RTTN: variants seen among roughly 807,000 people sequenced by gnomAD.
RTTN encodes the protein rotatin.
RTTN carries 182 observed loss-of-function variants against 269.2 expected under a neutral mutation model. The ratio of observed to expected loss-of-function variants is 0.68; its 90% CI spans 0.60 to 0.76. The LOEUF (loss-of-function observed/expected upper bound fraction) is 0.76. RTTN is among the 30% of genes least tolerant of loss of function. The pLI, the probability that RTTN is intolerant of heterozygous loss-of-function variation, is 0.00. For missense variants in RTTN, 2,545 were observed against 2,608.6 expected (o/e 0.98, Z 0.53); for synonymous variants, 1,006 against 963.5 (o/e 1.04, Z -0.82).
chr18:70,060,091 T>A, intron 35 of RTTN, 49 bp from the exon 36 acceptor site: 1 of 1,394,590 alleles, frequency 7.2e-7, no homozygotes, highest in Non-Finnish European at 9.6e-7. Context: ...TACAGCTATG[T>A]ACAATACTCA....
intron 41 of RTTN, 146 bp downstream of exon 41, chr18:70,030,730 T>A: frequency 1.9e-6 from 1 of 539,736 alleles, no homozygotes; most frequent in Non-Finnish European, 3.2e-6. Flanking sequence ...ACTGCTTCTG[T>A]ATGGGAAAAA....
At chr18:70,147,715 T>C (rs765396034) in intron 17 of RTTN, among the ~76,000 whole-genome samples, 6 of 152,166 alleles carry the variant, frequency 3.9e-5, no homozygotes, top group Non-Finnish European at 7.4e-5. Flanking sequence ...TAGAGACTTA[T>C]CTTACCCAAA....
chr18:70,106,029 C>T (rs1467222363), intron 28 of RTTN, among the ~76,000 whole-genome samples: 1 of 152,152 alleles, frequency 6.6e-6, no homozygotes, highest in Non-Finnish European at 1.5e-5. Context: ...CTTATAAGCT[C>T]ATAGTCTACT....
chr18:70,012,658 G>C (rs2056423614), intron 46 of RTTN, among the ~76,000 whole-genome samples: 1 of 151,824 alleles, frequency 6.6e-6, no homozygotes, highest in Admixed American at 6.6e-5. Flanking sequence ...TCTGCTCACT[G>C]GTACTGGTTA....
chr18:70,046,324 G>A (rs1382863760), intron 40 of RTTN, among the ~76,000 whole-genome samples: 2 of 152,132 alleles, frequency 1.3e-5, no homozygotes, highest in African/African-American at 4.8e-5. Flanking sequence ...GGAGGGCAGG[G>A]CCCAGCACAC....
Position 70,114,585 on chromosome 18 carries a change from C to G in RTTN, c.3543G>C (p.Leu1181=), listed in dbSNP as rs771580859. The G allele has an allele frequency of 1.2e-5, 19 of 1,612,660 alleles. No homozygotes were observed. In the South Asian group the frequency reaches 1.4e-4, roughly 12 times the overall value. ...ELLLRHSANP[L]LDLLVLTESQ... ...ACTCTGTCAGAACCAAGAGGTCTAACAGTGGGTTTGCACTCTAAAAAATGA... is the reference window on the plus strand; with the variant it reads ...ACTCTGTCAGAACCAAGAGGTCTAAGAGTGGGTTTGCACTCTAAAAAATGA... Residue 1181 remains leucine (L), a synonymous_variant, in exon 27 of 49, where the codon CTG becomes CTC. Coordinates refer to ENST00000640769, the MANE Select transcript of RTTN (RefSeq NM_173630.4).
At chr18:70,127,795 C>A in intron 24 of RTTN, 54 bp from the exon 25 acceptor site, 1 of 1,474,784 alleles carries the variant, frequency 6.8e-7, no homozygotes, top group South Asian at 1.2e-5. Flanking sequence ...TAAATAAAAG[C>A]TCACACTTAT....
At chr18:70,155,248 G>A (rs188740043) in intron 14 of RTTN, among the ~76,000 whole-genome samples, 19 of 151,698 alleles carry the variant, frequency 1.3e-4, no homozygotes, top group Admixed American at 1.2e-3. Flanking sequence ...ATCCCTAAAG[G>A]CAAGGCAGAA....
chr18:70,103,144 T>G (rs1488558479), intron 28 of RTTN, among the ~76,000 whole-genome samples: 19 of 128,214 alleles, frequency 1.5e-4, no homozygotes, highest in South Asian at 5.4e-4. Flanking sequence ...GAAGTGAGGA[T>G]CGCCTCTGCC....
intron 35 of RTTN, among the ~76,000 whole-genome samples, chr18:70,064,256 T>G (rs957214119): frequency 7.4e-6 from 1 of 135,834 alleles, no homozygotes; most frequent in Non-Finnish European, 1.5e-5. Flanking sequence ...AAGAATCTCC[T>G]GAACCCAGGA....
chr18:70,149,863 C>T, intron 16 of RTTN, 108 bp downstream of exon 16: 1 of 818,620 alleles, frequency 1.2e-6, no homozygotes, highest in Non-Finnish European at 2.1e-6. Flanking sequence ...TTCACAGCTT[C>T]TCTTCATTTC....
chr18:70,062,970 T>C (rs2058033437), intron 35 of RTTN, among the ~76,000 whole-genome samples: 2 of 152,178 alleles, frequency 1.3e-5, no homozygotes, highest in Non-Finnish European at 2.9e-5. Context: ...TTTATCATTA[T>C]CTATATATTG....
intron 28 of RTTN, among the ~76,000 whole-genome samples, chr18:70,095,299 AT>A (rs986707231): frequency 2.0e-5 from 3 of 152,122 alleles, no homozygotes; most frequent in African/African-American, 7.2e-5. Flanking sequence ...GCCTGTTTAC[AT>A]TTAAGATTAA....
At chr18:70,202,052 A>C in intron 3 of RTTN, 69 bp from the exon 4 acceptor site, 1 of 890,092 alleles carries the variant, frequency 1.1e-6, no homozygotes, top group South Asian at 1.7e-5. Context: ...TACTTTCTTT[A>C]AGTGGTAATG....
intron 14 of RTTN, among the ~76,000 whole-genome samples, chr18:70,151,943 T>A (rs767825912): frequency 2.0e-5 from 3 of 152,164 alleles, no homozygotes; most frequent in Non-Finnish European, 2.9e-5. Context: ...CAGTACTTCC[T>A]CATTTGCCAA....
At chr18:70,182,979 T>A (rs2061453419) in intron 10 of RTTN, among the ~76,000 whole-genome samples, 1 of 152,188 alleles carries the variant, frequency 6.6e-6, no homozygotes, top group Non-Finnish European at 1.5e-5. Context: ...AAGCTCCTAA[T>A]AACTCACAGA....
chr18:70,058,754 C>T (rs1486088653), intron 36 of RTTN, among the ~76,000 whole-genome samples: 1 of 151,982 alleles, frequency 6.6e-6, no homozygotes, highest in African/African-American at 2.4e-5. Context: ...GGAAGGAAAG[C>T]CAACTGACTA....
intron 46 of RTTN, among the ~76,000 whole-genome samples, chr18:70,009,659 G>A (rs1449764247): frequency 2.0e-5 from 3 of 152,162 alleles, no homozygotes; most frequent in African/African-American, 7.2e-5. Flanking sequence ...ACACTATGAA[G>A]AAACTGCATC....
chr18:70,089,979 C>T (rs1413458948), intron 30 of RTTN, among the ~76,000 whole-genome samples: 1 of 152,128 alleles, frequency 6.6e-6, no homozygotes, highest in Non-Finnish European at 1.5e-5. Flanking sequence ...AATGAGAAAG[C>T]TTGTTCTAAA....
Sources: allele counts gnomAD v4.1 joint callset (sites outside exome capture counted in the v4.1 genomes callset), GRCh38; gene constraint gnomAD v4.1.1; transcripts MANE v1.5; gene names NCBI Gene and HGNC (gene_info 2026-07-23, HGNC 2026-07-21).